KDM4C: variants seen among roughly 807,000 people sequenced by gnomAD.
KDM4C encodes lysine demethylase 4C.
KDM4C carries 81 observed loss-of-function variants against 129.3 expected under a neutral mutation model. The ratio of observed to expected loss-of-function variants is 0.63; its 90% confidence interval spans 0.52 to 0.75. The LOEUF is 0.75. KDM4C is among the 30% of genes least tolerant of loss of function. The pLI is 0.00. For missense variants in KDM4C, 1,457 were observed against 1,304.0 expected (o/e 1.12, Z -1.81); for synonymous variants, 573 against 456.1 (o/e 1.26, Z -3.26).
chr9:7,069,587 C>T (rs925686682), intron 17 of KDM4C, among the ~76,000 whole-genome samples: 2 of 152,132 alleles, frequency 1.3e-5, no homozygotes, highest in African/African-American at 4.8e-5. Context: ...TGTGACAGTT[C>T]TAAAGTTTTG....
chr9:6,899,362 CTT>C (rs1563780192), intron 8 of KDM4C, among the ~76,000 whole-genome samples: 1 of 151,782 alleles, frequency 6.6e-6, no homozygotes, highest in Non-Finnish European at 1.5e-5. Flanking sequence ...TTTTTTTAAA[CTT>C]TTATTTTTTA....
intron 17 of KDM4C, among the ~76,000 whole-genome samples, chr9:7,084,989 C>G (rs1352732381): frequency 6.6e-6 from 1 of 152,182 alleles, no homozygotes; most frequent in Non-Finnish European, 1.5e-5. Flanking sequence ...GAGTGGATGG[C>G]TCTGAAGGAA....
intron 12 of KDM4C, among the ~76,000 whole-genome samples, chr9:6,997,667 TTA>T (rs1820013213): frequency 6.6e-6 from 1 of 152,190 alleles, no homozygotes; most frequent in African/African-American, 2.4e-5. Flanking sequence ...ACTTTGTGCT[TTA>T]TATGTTTTTT....
chr9:7,089,882 T>A (rs1383218080), intron 17 of KDM4C, among the ~76,000 whole-genome samples: 1 of 152,180 alleles, frequency 6.6e-6, no homozygotes, highest in Non-Finnish European at 1.5e-5. Flanking sequence ...GAGGTCAGAG[T>A]TCTCATGAGG....
rs149954429 is a variant in KDM4C at position 7,029,743 on chromosome 9, A to G, written c.2259+13814A>G. 2.6e-3 allele frequency among the ~76,000 whole-genome samples: 389 copies of G among 152,286 alleles called. 1 individual carries two copies. Among genetic ancestry groups the G allele is most frequent in the African/African-American group, 8.8e-3 (367 of 41,556 alleles). ...GGACTGAGGGCTGTGGGATTTTGTT[A>G]GAGTGCCACAAATATGAATGAGAAC... On this transcript the variant is annotated intron_variant, in intron 15 of 21. Coordinates refer to ENST00000381309, the MANE Select transcript of KDM4C (RefSeq NM_015061.6).
rs144183781 is a variant in KDM4C, at chr9:6,772,418, A to G, written c.-18+14215A>G. 3.6e-4 allele frequency among the ~76,000 whole-genome samples: 54 copies of G among 150,638 alleles called. No individual in the cohort carries two copies. In the East Asian group the frequency reaches 5.3e-3, roughly 15 times the overall value. On this transcript the variant is annotated intron_variant, in intron 1 of 21. Transcript: ENST00000381309. ...CTCTTGTTGCCCAGGCTGGAGTGCA[A>G]TGGCACGATCTTGGCTCACCGCAAC...
upstream of KDM4C, among the ~76,000 whole-genome samples, chr9:6,754,443 C>A (rs1395753047): frequency 6.6e-6 from 1 of 152,044 alleles, no homozygotes; most frequent in Non-Finnish European, 1.5e-5. Context: ...GAACTCCTGA[C>A]CTTAGGTGAT....
chr9:6,915,669 G>A (rs1218585787), intron 8 of KDM4C, among the ~76,000 whole-genome samples: 2 of 151,994 alleles, frequency 1.3e-5, no homozygotes, highest in Admixed American at 6.6e-5. Context: ...TTCTTTCCTC[G>A]AATGCTACAA....
chr9:7,133,708 T>C (rs1053105881), intron 19 of KDM4C, among the ~76,000 whole-genome samples: 3 of 152,158 alleles, frequency 2.0e-5, no homozygotes, highest in Non-Finnish European at 4.4e-5. Flanking sequence ...ACAGATCCAG[T>C]AGGACATGGT....
chr9:7,105,981 G>A (rs1456349523), intron 18 of KDM4C, among the ~76,000 whole-genome samples: 2 of 152,082 alleles, frequency 1.3e-5, no homozygotes, highest in Non-Finnish European at 2.9e-5. Flanking sequence ...ACAACATCAC[G>A]TGAGGCAGCT....
intron 1 of KDM4C, among the ~76,000 whole-genome samples, chr9:6,728,562 C>A (rs1172428125): frequency 6.6e-6 from 1 of 151,596 alleles, no homozygotes; most frequent in East Asian, 1.9e-4. Context: ...ACGAAGTATT[C>A]TTGGCCGGGC....
At chr9:7,064,624 T>G (rs1832162977) in intron 17 of KDM4C, among the ~76,000 whole-genome samples, 1 of 152,210 alleles carries the variant, frequency 6.6e-6, no homozygotes, top group Non-Finnish European at 1.5e-5. Context: ...TCCTCAATAC[T>G]GGGAGAGGCA....
At chr9:7,091,720 T>C (rs1286083889) in intron 17 of KDM4C, among the ~76,000 whole-genome samples, 1 of 152,236 alleles carries the variant, frequency 6.6e-6, no homozygotes, top group Non-Finnish European at 1.5e-5. Flanking sequence ...AGTTAAGCCT[T>C]GGCCATCACA....
intron 1 of KDM4C, chr9:6,727,012 G>C (rs1291131533): frequency 1.3e-5 from 2 of 152,120 alleles, no homozygotes; most frequent in East Asian, 3.9e-4. Flanking sequence ...TGGGATTATA[G>C]GCATGAGCCA....
chr9:6,847,994 G>A (rs1221893362), intron 4 of KDM4C, among the ~76,000 whole-genome samples: 1 of 152,212 alleles, frequency 6.6e-6, no homozygotes, highest in Non-Finnish European at 1.5e-5. Context: ...GGTTGTATGT[G>A]AAGCCATTGG....
intron 4 of KDM4C, among the ~76,000 whole-genome samples, chr9:6,828,502 A>T (rs1834259202): frequency 6.6e-6 from 1 of 152,022 alleles, no homozygotes. Flanking sequence ...TTGGGCTGCC[A>T]CTTGAGGTAA....
chr9:6,950,872 C>G lies in KDM4C; in HGVS notation c.922-30053C>G, dbSNP rs192389275. ...AAAAGCTGTGGCTGAGTTAAAATCTCAGATCCTTAGTAGTCATGCCATGAA... is the reference window on the plus strand; with the variant it reads ...AAAAGCTGTGGCTGAGTTAAAATCTGAGATCCTTAGTAGTCATGCCATGAA... On this transcript the variant is annotated intron_variant, in intron 8 of 21. Coordinates refer to ENST00000381309, the MANE Select transcript of KDM4C (RefSeq NM_015061.6). Among the ~76,000 whole-genome samples the G allele has an allele frequency of 3.3e-3, 499 of 152,268 alleles. 2 individuals are homozygous for G. The highest frequency in any genetic ancestry group is 0.011 in the African/African-American group (447 of 41,558).
At chr9:6,807,362 G>C (rs1447901618) in intron 3 of KDM4C, among the ~76,000 whole-genome samples, 1 of 147,116 alleles carries the variant, frequency 6.8e-6, no homozygotes, top group Non-Finnish European at 1.5e-5. Context: ...GATGTGAGGA[G>C]CCCCTCTGCC....
intron 4 of KDM4C, among the ~76,000 whole-genome samples, chr9:6,846,311 A>G (rs141427677): frequency 1.6e-3 from 249 of 152,336 alleles, no homozygotes; most frequent in African/African-American, 5.6e-3. Flanking sequence ...TGGGAATAAC[A>G]TTACCTATTT....
Sources: allele counts gnomAD v4.1 joint callset (sites outside exome capture counted in the v4.1 genomes callset), GRCh38; gene constraint gnomAD v4.1.1; transcripts MANE v1.5; gene names NCBI Gene and HGNC (gene_info 2026-07-23, HGNC 2026-07-21).